The following ASTN2 variants were observed in gnomAD, a reference collection of about 807,000 sequenced individuals.
ASTN2 encodes astrotactin-2.
A neutral mutation model predicts 139.8 loss-of-function variants in ASTN2; 54 were observed. That is an observed-to-expected ratio of 0.39 (90% CI 0.31 to 0.48). ASTN2 has a LOEUF of 0.48. Ranked by LOEUF, ASTN2 falls within the 20% of genes least tolerant of loss-of-function variation. The pLI, the probability that ASTN2 is intolerant of heterozygous loss-of-function variation, is 0.95. For missense variants in ASTN2, 1,565 were observed against 1,725.1 expected (o/e 0.91, Z 1.64); for synonymous variants, 756 against 719.5 (o/e 1.05, Z -0.81).
intron 7 of ASTN2, among the ~76,000 whole-genome samples, chr9:116,988,382 G>T (rs1836743783): frequency 6.6e-6 from 1 of 152,148 alleles, no homozygotes; most frequent in Admixed American, 6.5e-5. Context: ...ACTACTATTA[G>T]GGAGCTGGTG....
intron 10 of ASTN2, among the ~76,000 whole-genome samples, chr9:116,926,145 T>G (rs1834749377): frequency 6.6e-6 from 1 of 152,168 alleles, no homozygotes; most frequent in South Asian, 2.1e-4. Flanking sequence ...CTGTTTGTAA[T>G]GTTGTTCCCT....
At chr9:116,795,776 AATGGT>A (rs146899578) in intron 13 of ASTN2, among the ~76,000 whole-genome samples, 1,725 of 152,250 alleles carry the variant, frequency 0.011, 39 homozygotes, top group African/African-American at 0.039. Flanking sequence ...CAGAGAAAGG[AATGGT>A]TATTGGGATC....
chr9:116,690,163 C>A (rs1244719845), intron 16 of ASTN2, among the ~76,000 whole-genome samples: 1 of 152,196 alleles, frequency 6.6e-6, no homozygotes, highest in Non-Finnish European at 1.5e-5. Flanking sequence ...TCCTATGTTA[C>A]CTTGTCAGTA....
intron 13 of ASTN2, among the ~76,000 whole-genome samples, chr9:116,770,114 A>AAAC (rs1829917871): frequency 1.3e-5 from 2 of 151,564 alleles, no homozygotes; most frequent in Admixed American, 1.3e-4. Flanking sequence ...AAAAAAAAAA[A>AAAC]AAAAACTAAA....
At chr9:117,388,424 AT>A (rs1830456147) in intron 1 of ASTN2, among the ~76,000 whole-genome samples, 1 of 152,194 alleles carries the variant, frequency 6.6e-6, no homozygotes, top group Non-Finnish European at 1.5e-5. Flanking sequence ...TGAGGAAAGG[AT>A]GACAGACACT....
chr9:116,877,361 T>A (rs749176922), intron 10 of ASTN2, among the ~76,000 whole-genome samples: 1 of 152,182 alleles, frequency 6.6e-6, no homozygotes, highest in Non-Finnish European at 1.5e-5. Context: ...CAGGTAGTTA[T>A]TGGAACAGTC....
chr9:117,262,588 C>G (rs564563551), intron 2 of ASTN2, among the ~76,000 whole-genome samples: 1 of 152,130 alleles, frequency 6.6e-6, no homozygotes, highest in Non-Finnish European at 1.5e-5. Flanking sequence ...CCAACTGGAG[C>G]ATTGCAGTGA....
chr9:117,196,247 G>A (rs985378868), intron 3 of ASTN2, among the ~76,000 whole-genome samples: 13 of 152,128 alleles, frequency 8.5e-5, no homozygotes, highest in Non-Finnish European at 1.8e-4. Context: ...ACCTCATAGG[G>A]TTATTGTGAG....
chr9:116,832,364 T>A (rs1831839012), intron 11 of ASTN2, among the ~76,000 whole-genome samples: 1 of 152,060 alleles, frequency 6.6e-6, no homozygotes, highest in Non-Finnish European at 1.5e-5. Context: ...TTTTTCCCTG[T>A]TATTGCACTG....
intron 22 of ASTN2, among the ~76,000 whole-genome samples, chr9:116,431,965 T>G (rs567011075): frequency 9.8e-4 from 149 of 151,948 alleles, no homozygotes; most frequent in Non-Finnish European, 1.6e-3. Flanking sequence ...TTATTCTATG[T>G]GGCAGCGGGT....
chr9:117,014,926 TTC>T (rs1482540500), intron 6 of ASTN2, among the ~76,000 whole-genome samples: 1 of 152,132 alleles, frequency 6.6e-6, no homozygotes, highest in African/African-American at 2.4e-5. Context: ...GAAAATAAAT[TTC>T]TGTTGCTTAA....
intron 3 of ASTN2, among the ~76,000 whole-genome samples, chr9:117,182,661 T>C (rs934180399): frequency 6.6e-6 from 1 of 152,132 alleles, no homozygotes; most frequent in Admixed American, 6.5e-5. Context: ...AGCAATCACT[T>C]TCGGTGGTAT....
chr9:116,494,838 C>T (rs1026339277), intron 19 of ASTN2, among the ~76,000 whole-genome samples: 1 of 152,208 alleles, frequency 6.6e-6, no homozygotes, highest in African/African-American at 2.4e-5. Flanking sequence ...CTGTGCCTTT[C>T]CTACTGCACA....
intron 1 of ASTN2, among the ~76,000 whole-genome samples, chr9:117,329,509 A>G (rs1828632985): frequency 6.6e-6 from 1 of 152,116 alleles, no homozygotes; most frequent in African/African-American, 2.4e-5. Flanking sequence ...ACTTTTTCAC[A>G]TGGATTCAGG....
intron 12 of ASTN2, among the ~76,000 whole-genome samples, chr9:116,811,268 TAA>T (rs1487045414): frequency 1.3e-5 from 2 of 152,222 alleles, no homozygotes; most frequent in Admixed American, 6.5e-5. Flanking sequence ...TCTTGCTTCT[TAA>T]TAAATGTCTT....
At chr9:117,312,783 C>T (rs749989040) in intron 1 of ASTN2, among the ~76,000 whole-genome samples, 11 of 152,086 alleles carry the variant, frequency 7.2e-5, no homozygotes, top group Non-Finnish European at 1.6e-4. Context: ...GGCCTCAGCC[C>T]CTAACCTTTG....
chr9:117,100,992 C>T (rs1828962778), intron 4 of ASTN2, among the ~76,000 whole-genome samples: 1 of 152,158 alleles, frequency 6.6e-6, no homozygotes, highest in African/African-American at 2.4e-5. Flanking sequence ...CTGATCTCAT[C>T]TTTAAAAGGG....
At chr9:117,233,144 G>A (rs1011889638) in intron 2 of ASTN2, among the ~76,000 whole-genome samples, 1 of 152,150 alleles carries the variant, frequency 6.6e-6, no homozygotes, top group Non-Finnish European at 1.5e-5. Flanking sequence ...CTTCTGAGGG[G>A]CAGAGAGCAG....
intron 4 of ASTN2, among the ~76,000 whole-genome samples, chr9:117,106,498 C>G (rs1031580436): frequency 6.6e-6 from 1 of 152,052 alleles, no homozygotes; most frequent in African/African-American, 2.4e-5. Context: ...TGCACCCAGC[C>G]CAAGCTACAT....
Sources: gnomAD v4.1 joint callset for allele counts (sites outside exome capture counted in the v4.1 genomes callset) on GRCh38, gnomAD v4.1.1 for gene constraint, MANE v1.5 for transcripts, NCBI Gene and HGNC (gene_info 2026-07-23, HGNC 2026-07-21) for gene names.